The following XDH variants were observed in gnomAD, a reference collection of about 807,000 sequenced individuals.
XDH encodes xanthine dehydrogenase/oxidase.
In XDH, 138 loss-of-function variants were observed where a neutral mutation model predicts 156.1. The ratio of observed to expected loss-of-function variants is 0.88; its 90% CI spans 0.77 to 1.02. XDH has a LOEUF of 1.02. XDH is among the 50% of genes least tolerant of loss of function. The pLI is 0.00. For missense variants in XDH, 1,849 were observed against 1,684.9 expected (o/e 1.10, Z -1.71); for synonymous variants, 669 against 625.7 (o/e 1.07, Z -1.03).
rs750639073 is a variant in XDH, at chr2:31,368,541, C to T, written c.2100G>A (p.Glu700=). ...ACACAGGCAGCCCATTCTCAGTTAC[C>T]TCAATTGTGATAATGGCTGGTAGTT... ...YEELPAIITI[E]DAIKNNSFYG... Residue 700 remains glutamate, a splice_region_variant and synonymous_variant, in exon 19 of 36, where the codon GAG becomes GAA. Transcript: ENST00000379416. 2.5e-6 allele frequency: 4 copies of T among 1,614,144 alleles called. No homozygotes were observed. Among genetic ancestry groups the T allele is most frequent in the Admixed American group, 1.7e-5 (1 of 60,026 alleles).
rs184197379 is a variant in XDH at position 31,387,363 on chromosome 2, G to T, written c.651+448C>A. The stretch of plus-strand genomic sequence containing the variant: ...CCTTAAGACAGAGCTGTGAGCTGCA[G>T]ATCATGTCCTTTGAAGAGAGCTCTC... On this transcript the variant is annotated intron_variant, in intron 8 of 35. Transcript: ENST00000379416. 3.3e-5 allele frequency among the ~76,000 whole-genome samples: 5 copies of T among 152,290 alleles called. No homozygotes were observed. The East Asian group carries it at 5.8e-4, about 18-fold the overall frequency.
chr2:31,401,173 A>G, intron 4 of XDH, 47 bp downstream of exon 4: 1 of 1,607,720 alleles, frequency 6.2e-7, no homozygotes, highest in Non-Finnish European at 8.5e-7. Flanking sequence ...CTCCCTGCAG[A>G]GGAAAGAGCC....
rs764398499 is a variant in XDH, at chr2:31,365,484, G to A, written c.2517C>T (p.Gly839=). 1 of 1,614,172 alleles carries A rather than the reference G, an allele frequency of 6.2e-7. No homozygotes were observed. The highest frequency in any genetic ancestry group is 1.1e-5 in the South Asian group (1 of 91,082). The change falls in exon 23 of 36, where the codon GGC becomes GGT. Residue 839 remains glycine (G), a synonymous_variant. Coordinates refer to ENST00000379416, the MANE Select transcript of XDH (RefSeq NM_000379.4). ...TGTATCTGGCCAGGAAGGGATGTCT[G>A]CCACCAGTTATCAGCATGTCCTCAT... ...DRDEDMLITG[G]RHPFLARYKV...
intron 6 of XDH, among the ~76,000 whole-genome samples, chr2:31,392,089 C>T (rs1015201218): frequency 6.6e-6 from 1 of 152,140 alleles, no homozygotes; most frequent in African/African-American, 2.4e-5. Context: ...AGTATATGAG[C>T]ATAGAGTTGT....
chr2:31,414,594 G>C (rs1237686968), intron 1 of XDH, 31 bp downstream of exon 1: 3 of 1,613,794 alleles, frequency 1.9e-6, no homozygotes, highest in Admixed American at 1.7e-5. Flanking sequence ...AGGGAGAAGG[G>C]ACACAAAACC....
At chr2:31,363,216 A>G (rs1421498761) in intron 24 of XDH, among the ~76,000 whole-genome samples, 1 of 152,162 alleles carries the variant, frequency 6.6e-6, no homozygotes, top group African/African-American at 2.4e-5. Flanking sequence ...GGAGGCTGAG[A>G]CAGGAGAATC....
rs372422786 is a variant in XDH at position 31,350,114 on chromosome 2, C to G, written c.2741G>C (p.Gly914Ala). Residue 914 changes from glycine (G) to alanine (A), a missense_variant, in exon 25 of 36, where the codon GGC becomes GCC. Physicochemically the swap from Gly to Ala is moderately conservative, Grantham distance 60. Transcript: ENST00000379416. ...TNLPSNTAFR[G>A]FGGPQGMLIA... is the part of the protein sequence containing the mutation. ...GAGCATCCCCTGGGGCCCCCCAAAG[C>G]CCCGGAAGGCCGTGTTGGAGGGAAG... The G allele has an allele frequency of 6.2e-7, 1 of 1,614,242 alleles. No individual in the cohort carries two copies. The highest frequency in any genetic ancestry group is 1.1e-5 in the South Asian group (1 of 91,086).
At chr2:31,381,116 C>T (rs1257088119) in intron 12 of XDH, among the ~76,000 whole-genome samples, 1 of 152,068 alleles carries the variant, frequency 6.6e-6, no homozygotes, top group Non-Finnish European at 1.5e-5. Flanking sequence ...TTGACTCAGC[C>T]TCTCAAGGAA....
Position 31,383,900 on chromosome 2 carries a change from C to T in XDH, c.794-53G>A, listed in dbSNP as rs184571130. 205 of 1,511,820 alleles carry T rather than the reference C, an allele frequency of 1.4e-4. No individual in the cohort carries two copies. In the African/African-American group the frequency reaches 2.7e-3, roughly 20 times the overall value. 93.7% of individuals were successfully genotyped at this position (1,511,820 alleles called of 1,614,324 possible). A position where few individuals can be genotyped will look rare whatever the true frequency, so the allele number is the denominator to read the frequency against. On this transcript the variant is annotated intron_variant, in intron 9 of 35. Coordinates refer to ENST00000379416, the MANE Select transcript of XDH (RefSeq NM_000379.4). ...TAGGCCCATTGTTGTATCACCAGGG[C>T]AGGCCTTAGCAGCTTTTCTCACCAT...
chr2:31,401,475 C>T (rs958452350), intron 3 of XDH, 147 bp from the exon 4 acceptor site: 5 of 863,802 alleles, frequency 5.8e-6, no homozygotes, highest in Non-Finnish European at 7.6e-6. Flanking sequence ...CCAGTGTCCT[C>T]ACCTCTCCAC....
intron 4 of XDH, among the ~76,000 whole-genome samples, chr2:31,399,301 G>A (rs918467780): frequency 1.3e-5 from 2 of 152,156 alleles, no homozygotes; most frequent in Non-Finnish European, 2.9e-5. Flanking sequence ...AGCTGAAGTT[G>A]TAAATGAGAG....
chr2:31,347,708 C>A (rs113819619), intron 28 of XDH, 58 bp from the exon 29 acceptor site: 1 of 1,589,304 alleles, frequency 6.3e-7, no homozygotes, highest in South Asian at 1.1e-5. Flanking sequence ...GCTTGGCTGC[C>A]TTCTCCCCAA....
chr2:31,367,182 T>A (rs1023434946), intron 20 of XDH, among the ~76,000 whole-genome samples, 188 bp from the exon 21 acceptor site: 1 of 152,152 alleles, frequency 6.6e-6, no homozygotes, highest in Non-Finnish European at 1.5e-5. Flanking sequence ...AGCTGAGTGC[T>A]CCAGCCTCAT....
intron 28 of XDH, 96 bp downstream of exon 28, chr2:31,348,172 C>A (rs1362618905): frequency 4.7e-6 from 6 of 1,287,548 alleles, no homozygotes; most frequent in Non-Finnish European, 6.7e-6. Flanking sequence ...AGGGCCAGAC[C>A]CCGGGCCTGC....
At chr2:31,407,063 ATAAAGAGAAAGAATTCATGATAAGGT>A (rs1192128697) in intron 1 of XDH, among the ~76,000 whole-genome samples, 1 of 152,234 alleles carries the variant, frequency 6.6e-6, no homozygotes, top group Non-Finnish European at 1.5e-5. Context: ...TATTGGGATA[ATAAAGAGAAAGAATTCATGATAAGGT>A]TTTCGTTGGA....
chr2:31,339,395 TCCCA>T, intron 34 of XDH, 90 bp downstream of exon 34: 1 of 1,529,024 alleles, frequency 6.5e-7, no homozygotes, highest in African/African-American at 1.4e-5. Flanking sequence ...CCCTTTGAAG[TCCCA>T]CCAGGTGGGT....
chr2:31,388,220 C>T lies in XDH; in HGVS notation c.564+7G>A. On this transcript the variant is annotated splice_region_variant and intron_variant, in intron 7 of 35. Transcript: ENST00000379416. ...CCAGGCTTCCAGGGGGAGAAGAACTCACTTACTGAGTGGTCTTTCTTCTGG... is the reference window on the plus strand; with the variant it reads ...CCAGGCTTCCAGGGGGAGAAGAACTTACTTACTGAGTGGTCTTTCTTCTGG... The T allele has an allele frequency of 6.2e-7, 1 of 1,614,164 alleles. No individual in the cohort carries two copies. Among genetic ancestry groups the T allele is most frequent in the Non-Finnish European group, 8.5e-7 (1 of 1,180,006 alleles).
intron 24 of XDH, among the ~76,000 whole-genome samples, chr2:31,362,478 A>G (rs1266557501): frequency 6.6e-6 from 1 of 152,222 alleles, no homozygotes; most frequent in African/African-American, 2.4e-5. Context: ...GTAAAACTAA[A>G]TTGGTATTTT....
At chr2:31,375,096 G>A (rs1432161598) in intron 15 of XDH, among the ~76,000 whole-genome samples, 5 of 133,068 alleles carry the variant, frequency 3.8e-5, no homozygotes, top group Non-Finnish European at 6.1e-5. Flanking sequence ...CATGATCTTG[G>A]CTCACTGCAA....
Sources: gnomAD v4.1 joint callset for allele counts (sites outside exome capture counted in the v4.1 genomes callset) on GRCh38, gnomAD v4.1.1 for gene constraint, MANE v1.5 for transcripts, NCBI Gene and HGNC (gene_info 2026-07-23, HGNC 2026-07-21) for gene names.